DOCK4: variants seen among roughly 807,000 people sequenced by gnomAD.
DOCK4 encodes the protein dedicator of cytokinesis 4.
In DOCK4, 97 loss-of-function variants were observed where a neutral mutation model predicts 268.1. That is an observed-to-expected ratio of 0.36 (90% CI 0.31 to 0.43). The LOEUF (loss-of-function observed/expected upper bound fraction) is 0.43. DOCK4 is among the 20% of genes least tolerant of loss of function. The probability of loss-of-function intolerance (pLI) is 1.00; values close to 1 mark genes in which losing one functional copy is unlikely to be tolerated. For missense variants in DOCK4, 2,145 were observed against 2,455.7 expected (o/e 0.87, Z 2.67); for synonymous variants, 954 against 887.2 (o/e 1.08, Z -1.34).
intron 23 of DOCK4, among the ~76,000 whole-genome samples, chr7:111,847,968 C>T (rs994887586): frequency 6.6e-6 from 1 of 152,082 alleles, no homozygotes; most frequent in South Asian, 2.1e-4. Context: ...TGGATTTTTG[C>T]TTGGTTTTTT....
At chr7:112,191,382 A>C (rs1473067720) in intron 1 of DOCK4, among the ~76,000 whole-genome samples, 12 of 145,188 alleles carry the variant, frequency 8.3e-5, no homozygotes, top group African/African-American at 2.1e-4. Flanking sequence ...ATTTCTCCCC[A>C]CCCCTCTAGT....
chr7:112,064,746 A>G (rs1386824931), intron 1 of DOCK4, among the ~76,000 whole-genome samples: 2 of 152,166 alleles, frequency 1.3e-5, no homozygotes, highest in Admixed American at 1.3e-4. Context: ...ATATTTGGAG[A>G]TGGGGCCTTT....
chr7:111,998,323 G>T, intron 4 of DOCK4, 125 bp downstream of exon 4: 1 of 750,994 alleles, frequency 1.3e-6, no homozygotes, highest in Non-Finnish European at 2.1e-6. Flanking sequence ...CTTTAACAAA[G>T]AACACAGACA....
In DOCK4 at chr7:111,741,625, A is replaced by T. The variant is rs775660558; in HGVS notation, c.4834T>A (p.Phe1612Ile). Residue 1612 changes from phenylalanine (F) to isoleucine (I), a missense_variant, in exon 46 of 53, where the codon TTT (phenylalanine) becomes ATT (isoleucine). Around this residue, in one of 2 missense-constraint regions of DOCK4, gnomAD observed 1,598 missense variants for 1,986.7 expected, o/e 0.80. Transcript: ENST00000428084. ...CACACACGAGGGCTTCCATTAGGAA[A>T]ATGGACAGGACTGGCTTGCATACAA... ...SACMQASPVH[F>I]PNGSPRVCRN... 3 of 1,613,674 alleles carry T rather than the reference A, an allele frequency of 1.9e-6. No homozygotes were observed. The highest frequency in any genetic ancestry group is 2.5e-6 in the Non-Finnish European group (3 of 1,179,750).
intron 39 of DOCK4, among the ~76,000 whole-genome samples, chr7:111,760,989 C>T (rs1265388526): frequency 6.6e-6 from 1 of 151,750 alleles, no homozygotes; most frequent in Non-Finnish European, 1.5e-5. Context: ...TTATTTAACT[C>T]ATATAAGCTT....
intron 1 of DOCK4, among the ~76,000 whole-genome samples, chr7:112,040,152 A>G (rs956237818): frequency 6.6e-6 from 1 of 152,138 alleles, no homozygotes; most frequent in African/African-American, 2.4e-5. Context: ...AACAAAAAGC[A>G]ATTGAATGGA....
intron 23 of DOCK4, among the ~76,000 whole-genome samples, chr7:111,850,213 T>C (rs1012557559): frequency 6.6e-6 from 1 of 152,120 alleles, no homozygotes; most frequent in Non-Finnish European, 1.5e-5. Flanking sequence ...TTCCTCATCC[T>C]CCACCATCCC....
chr7:112,127,642 A>T (rs1813362283), intron 1 of DOCK4, among the ~76,000 whole-genome samples: 1 of 152,174 alleles, frequency 6.6e-6, no homozygotes, highest in Non-Finnish European at 1.5e-5. Flanking sequence ...AAAATGTTAA[A>T]TTTTTATAGC....
intron 1 of DOCK4, among the ~76,000 whole-genome samples, chr7:112,140,454 C>G (rs1814795698): frequency 6.6e-6 from 1 of 151,968 alleles, no homozygotes; most frequent in Admixed American, 6.6e-5. Flanking sequence ...GGGGGTCATT[C>G]CTTAAGATTA....
rs189749936 is a variant in DOCK4 at position 111,932,356 on chromosome 7, C to T, written c.1066+3184G>A. On this transcript the variant is annotated intron_variant, in intron 12 of 52. Coordinates refer to ENST00000428084, the MANE Select transcript of DOCK4 (RefSeq NM_001363540.2). ...CAGGATTAGTTTGGTATTTGTTTAT[C>T]CATACTGAGGGCAAATGCAAGCAAA... 4.8e-4 allele frequency among the ~76,000 whole-genome samples: 73 copies of T among 152,162 alleles called. No individual in the cohort carries two copies. The South Asian group carries it at 9.4e-3, about 19-fold the overall frequency.
intron 1 of DOCK4, among the ~76,000 whole-genome samples, chr7:112,045,911 G>A (rs1217061155): frequency 1.3e-5 from 2 of 152,122 alleles, no homozygotes; most frequent in Admixed American, 6.5e-5. Flanking sequence ...TTAAATCCAC[G>A]CCTCATAACG....
intron 20 of DOCK4, 84 bp from the exon 21 acceptor site, chr7:111,869,739 C>T: frequency 8.8e-7 from 1 of 1,130,270 alleles, no homozygotes; most frequent in South Asian, 1.3e-5. Flanking sequence ...TTAACTATAT[C>T]ATGAGGAGGT....
At chr7:111,932,893 T>C (rs2134684532) in intron 12 of DOCK4, among the ~76,000 whole-genome samples, 1 of 152,062 alleles carries the variant, frequency 6.6e-6, no homozygotes, top group South Asian at 2.1e-4. Flanking sequence ...TGATGGTCAC[T>C]GGTATCAAGA....
At chr7:112,003,157 G>A (rs757280249) in intron 2 of DOCK4, among the ~76,000 whole-genome samples, 2 of 152,218 alleles carry the variant, frequency 1.3e-5, no homozygotes, top group South Asian at 4.2e-4. Context: ...AAGGTGGAAG[G>A]ATCACTTGAG....
At chr7:111,819,284 T>C (rs928613716) in intron 27 of DOCK4, 24 of 152,194 alleles carry the variant, frequency 1.6e-4, no homozygotes, top group African/African-American at 5.3e-4. Flanking sequence ...TATTTCACAA[T>C]GTGTATGGGA....
At chr7:111,869,731 A>C (rs1203575472) in intron 20 of DOCK4, 76 bp from the exon 21 acceptor site, 1 of 1,231,564 alleles carries the variant, frequency 8.1e-7, no homozygotes, top group African/African-American at 1.5e-5. Flanking sequence ...TCCAACTCTT[A>C]ACTATATCAT....
intron 13 of DOCK4, among the ~76,000 whole-genome samples, chr7:111,914,261 C>T (rs1792397388): frequency 1.3e-5 from 2 of 152,192 alleles, no homozygotes; most frequent in African/African-American, 4.8e-5. Context: ...TCACCACTTA[C>T]CTGGATTAGT....
intron 1 of DOCK4, among the ~76,000 whole-genome samples, chr7:112,101,912 G>T (rs574392183): frequency 6.6e-6 from 1 of 150,938 alleles, no homozygotes; most frequent in East Asian, 1.9e-4. Context: ...GCGCGATCTC[G>T]GCTTACTGCA....
At chr7:112,025,183 C>T (rs527671912) in intron 1 of DOCK4, among the ~76,000 whole-genome samples, 1 of 151,358 alleles carries the variant, frequency 6.6e-6, no homozygotes, top group Non-Finnish European at 1.5e-5. Context: ...ACGCCGGCAC[C>T]ATGCTGGGTG....
Sources: gnomAD v4.1 joint callset for allele counts (sites outside exome capture counted in the v4.1 genomes callset) on GRCh38, gnomAD v4.1.1 for gene constraint, gnomAD v4.1.1 regional missense constraint, MANE v1.5 for transcripts, NCBI Gene and HGNC (gene_info 2026-07-23, HGNC 2026-07-21) for gene names.